Variants in FGF14 observed in about 807,000 individuals in gnomAD.
FGF14 encodes the protein fibroblast growth factor 14, also known as fibroblast growth factor homologous factor 4.
FGF14 carries 5 observed loss-of-function variants against 25.5 expected under a neutral mutation model. The observed-to-expected ratio is 0.20, with a 90% CI of 0.10 to 0.41. The LOEUF is 0.41. Ranked by LOEUF, FGF14 falls within the 10% of genes least tolerant of loss-of-function variation. The pLI, the probability that FGF14 is intolerant of heterozygous loss-of-function variation, is 1.00. For synonymous variants in FGF14, 138 were observed against 118.3 expected (o/e 1.17, Z -1.08); for missense variants, 222 against 320.1 (o/e 0.69, Z 2.34).
chr13:101,930,559 C>CTCAG (rs1566453554), intron 1 of FGF14, among the ~76,000 whole-genome samples: 1 of 152,178 alleles, frequency 6.6e-6, no homozygotes, highest in Non-Finnish European at 1.5e-5. Context: ...CCTAGAGGGA[C>CTCAG]TCAGTCAGTT....
intron 1 of FGF14, among the ~76,000 whole-genome samples, chr13:101,890,114 G>A: frequency 6.6e-6 from 1 of 151,996 alleles, no homozygotes; most frequent in Non-Finnish European, 1.5e-5. Flanking sequence ...CAAAACAAAA[G>A]ACATAGCTCC....
chr13:102,067,998 G>T (rs2042975592), intron 1 of FGF14, among the ~76,000 whole-genome samples: 1 of 152,170 alleles, frequency 6.6e-6, no homozygotes, highest in African/African-American at 2.4e-5. Context: ...GGACAGGAGA[G>T]TGGCATGACG....
intron 1 of FGF14, among the ~76,000 whole-genome samples, chr13:102,169,473 A>G (rs2048157654): frequency 6.6e-6 from 1 of 152,160 alleles, no homozygotes; most frequent in Non-Finnish European, 1.5e-5. Flanking sequence ...AAGAAACTCC[A>G]GATGAGAAGT....
At chr13:102,360,303 A>C (rs887512726) in intron 1 of FGF14, among the ~76,000 whole-genome samples, 1 of 152,186 alleles carries the variant, frequency 6.6e-6, no homozygotes, top group Admixed American at 6.5e-5. Context: ...GGAACAGTCT[A>C]CATATTTGAA....
intron 1 of FGF14, among the ~76,000 whole-genome samples, chr13:101,906,582 A>G (rs990395): frequency 0.33 from 50,888 of 151,956 alleles, 8,888 homozygotes; most frequent in East Asian, 0.46. Flanking sequence ...TCCATCATTG[A>G]AGAGTTTCCT....
intron 3 of FGF14, among the ~76,000 whole-genome samples, chr13:101,736,274 G>T (rs2036180773): frequency 6.6e-6 from 1 of 152,038 alleles, no homozygotes; most frequent in African/African-American, 2.4e-5. Flanking sequence ...TAGAAATAGG[G>T]TTATCTTATT....
chr13:101,991,272 AT>A, intron 1 of FGF14, among the ~76,000 whole-genome samples: 1 of 152,256 alleles, frequency 6.6e-6, no homozygotes, highest in Middle Eastern at 3.4e-3. Context: ...TCTTGAATTT[AT>A]TTTTCAATAT....
At chr13:102,107,399 C>A (rs2044976154) in intron 1 of FGF14, among the ~76,000 whole-genome samples, 1 of 152,026 alleles carries the variant, frequency 6.6e-6, no homozygotes, top group South Asian at 2.1e-4. Flanking sequence ...TCTTTTGAGT[C>A]GATTAACCCA....
intron 3 of FGF14, among the ~76,000 whole-genome samples, chr13:101,866,655 T>C (rs2044723891): frequency 6.6e-6 from 1 of 152,198 alleles, no homozygotes; most frequent in Non-Finnish European, 1.5e-5. Flanking sequence ...TTTAGTAGGC[T>C]CTCAGTAACA....
intron 3 of FGF14, among the ~76,000 whole-genome samples, chr13:101,867,679 A>C (rs1256790297): frequency 6.6e-6 from 1 of 152,114 alleles, no homozygotes; most frequent in Non-Finnish European, 1.5e-5. Flanking sequence ...GTCTTGTGCG[A>C]GAGAACACAA....
chr13:101,822,752 T>C (rs1472066268), intron 3 of FGF14, among the ~76,000 whole-genome samples: 3 of 152,212 alleles, frequency 2.0e-5, no homozygotes, highest in South Asian at 4.1e-4. Context: ...TCCACTCTTC[T>C]AGTTATTTTA....
chr13:102,017,310 CAT>C (rs1246377601), intron 1 of FGF14, among the ~76,000 whole-genome samples: 2 of 152,174 alleles, frequency 1.3e-5, no homozygotes, highest in Admixed American at 1.3e-4. Context: ...ATATGTGAAA[CAT>C]AATCTCTAAA....
In FGF14 at chr13:102,306,192, A is replaced by G. The variant is rs529480530; in HGVS notation, c.208+95279T>C. ...TTGGCCAATAGATCACTACTGAGTG[A>G]CAGATTAGACAAATACTCTTCTTCT... On this transcript the variant is annotated intron_variant, in intron 1 of 4. Transcript: ENST00000376131. Among the ~76,000 whole-genome samples, 9 of 152,302 alleles carry G rather than the reference A, an allele frequency of 5.9e-5. No individual in the cohort carries two copies. The South Asian group carries it at 1.7e-3, about 28-fold the overall frequency.
At chr13:102,167,719 G>A (rs2048076712) in intron 1 of FGF14, among the ~76,000 whole-genome samples, 1 of 151,220 alleles carries the variant, frequency 6.6e-6, no homozygotes, top group African/African-American at 2.4e-5. Context: ...GGATTTTTTA[G>A]TTTCTGAAAG....
At chr13:101,856,589 T>G (rs987057283) in intron 3 of FGF14, among the ~76,000 whole-genome samples, 2 of 151,964 alleles carry the variant, frequency 1.3e-5, no homozygotes, top group African/African-American at 4.8e-5. Flanking sequence ...ATTTTACCAT[T>G]TAACACAACC....
chr13:102,135,219 CAAA>C (rs2046363717), intron 1 of FGF14, among the ~76,000 whole-genome samples: 1 of 152,004 alleles, frequency 6.6e-6, no homozygotes, highest in South Asian at 2.1e-4. Flanking sequence ...AACAAACAAA[CAAA>C]GAAAAAGACA....
intron 1 of FGF14, among the ~76,000 whole-genome samples, chr13:102,303,979 T>G (rs932702639): frequency 6.6e-6 from 1 of 152,184 alleles, no homozygotes; most frequent in Non-Finnish European, 1.5e-5. Flanking sequence ...AAATGAATGC[T>G]GTGACTTTGG....
At chr13:101,797,078 T>A (rs1369262491) in intron 3 of FGF14, among the ~76,000 whole-genome samples, 1 of 152,154 alleles carries the variant, frequency 6.6e-6, no homozygotes, top group Non-Finnish European at 1.5e-5. Flanking sequence ...GTCTTCTTTT[T>A]CTCATATTTA....
At chr13:101,802,472 T>C in intron 3 of FGF14, 1 of 190,626 alleles carries the variant, frequency 5.2e-6, no homozygotes, top group Admixed American at 5.5e-5. Flanking sequence ...TATCTGTCTC[T>C]TTGTGAATAC....
Sources: gnomAD v4.1 joint callset for allele counts (sites outside exome capture counted in the v4.1 genomes callset) on GRCh38, gnomAD v4.1.1 for gene constraint, MANE v1.5 for transcripts, NCBI Gene and HGNC (gene_info 2026-07-23, HGNC 2026-07-21) for gene names.